The following MMS22L variants were observed in gnomAD, a reference collection of about 807,000 sequenced individuals.
MMS22L encodes protein MMS22-like.
MMS22L carries 74 observed loss-of-function variants against 159.1 expected under a neutral mutation model. The ratio of observed to expected loss-of-function variants is 0.47; its 90% CI spans 0.39 to 0.56. The LOEUF is 0.56. MMS22L is among the 20% of genes least tolerant of loss of function. The pLI, the probability that MMS22L is intolerant of heterozygous loss-of-function variation, is 0.00. For missense variants in MMS22L, 1,351 were observed against 1,422.1 expected (o/e 0.95, Z 0.80); for synonymous variants, 517 against 506.9 (o/e 1.02, Z -0.27).
At chr6:97,218,772 A>G (rs1405187827) in intron 14 of MMS22L, among the ~76,000 whole-genome samples, 1 of 152,210 alleles carries the variant, frequency 6.6e-6, no homozygotes, top group Non-Finnish European at 1.5e-5. Flanking sequence ...GTAATTTATA[A>G]AGAAAAGAGG....
At position 97,173,003 on chromosome 6, in the gene MMS22L, T is replaced by C. The variant is rs750060383; in HGVS notation, c.2839+60A>G. ...TTAGCCAATATATACCTATCCATCA[T>C]GATAGTATAGGCTCAACCTAAGGAA... On this transcript the variant is annotated intron_variant, in intron 19 of 24. Transcript: ENST00000683635. The C allele has an allele frequency of 6.0e-6, 9 of 1,498,978 alleles. No homozygotes were observed. In the Admixed American group the frequency reaches 6.1e-5, roughly 10 times the overall value. 92.9% of individuals were successfully genotyped at this position (1,498,978 alleles called of 1,614,324 possible).
intron 15 of MMS22L, among the ~76,000 whole-genome samples, chr6:97,185,553 T>A (rs1395221888): frequency 6.6e-6 from 1 of 152,168 alleles, no homozygotes; most frequent in Non-Finnish European, 1.5e-5. Context: ...TGGCTGAATA[T>A]CAATATTTAT....
intron 21 of MMS22L, 115 bp downstream of exon 21, chr6:97,165,131 A>C: frequency 1.2e-6 from 1 of 802,232 alleles, no homozygotes; most frequent in Non-Finnish European, 2.0e-6. Context: ...GAAAACAAAA[A>C]GCTTCTGAAC....
intron 19 of MMS22L, among the ~76,000 whole-genome samples, chr6:97,168,861 C>T (rs1337208211): frequency 6.6e-6 from 1 of 152,026 alleles, no homozygotes; most frequent in Non-Finnish European, 1.5e-5. Flanking sequence ...AACAATCCAC[C>T]TTTTAAAGAA....
At chr6:97,153,545 A>G (rs1303270484) in intron 22 of MMS22L, among the ~76,000 whole-genome samples, 2 of 151,536 alleles carry the variant, frequency 1.3e-5, no homozygotes. Flanking sequence ...CTAATTTTGT[A>G]TTTTTAGAAA....
intron 18 of MMS22L, among the ~76,000 whole-genome samples, chr6:97,176,661 A>G (rs1804151821): frequency 1.3e-5 from 2 of 152,140 alleles, no homozygotes; most frequent in South Asian, 4.1e-4. Flanking sequence ...CCCCAATAAT[A>G]ACCATGGGCA....
chr6:97,242,397 T>A lies in MMS22L; in HGVS notation c.1182+4231A>T, dbSNP rs572647107. Among the ~76,000 whole-genome samples, 3 of 152,338 alleles carry A rather than the reference T, an allele frequency of 2.0e-5. No individual in the cohort carries two copies. In the East Asian group the frequency reaches 5.8e-4, roughly 29 times the overall value. On this transcript the variant is annotated intron_variant, in intron 11 of 24. Coordinates refer to ENST00000683635, the MANE Select transcript of MMS22L (RefSeq NM_001350599.2). ...TTGTTGTTTTAAAATCTGTTTTGTC[T>A]GATACAAGAATAGCTACTTCTGCTC... is the stretch of plus-strand genomic sequence containing the variant.
chr6:97,177,629 G>C (rs146042832), intron 18 of MMS22L, among the ~76,000 whole-genome samples: 20 of 152,014 alleles, frequency 1.3e-4, no homozygotes, highest in East Asian at 5.8e-4. Context: ...ACTAAATAAG[G>C]GTCCAAATGG....
At chr6:97,168,301 C>T in intron 19 of MMS22L, 61 bp from the exon 20 acceptor site, 1 of 1,508,024 alleles carries the variant, frequency 6.6e-7, no homozygotes, top group Non-Finnish European at 9.0e-7. Flanking sequence ...CATTTTGTCA[C>T]TTAATTTAAA....
chr6:97,230,847 T>C (rs1198083554), intron 13 of MMS22L: 1 of 152,716 alleles, frequency 6.5e-6, no homozygotes, highest in East Asian at 1.9e-4. Context: ...GGAATTTCAT[T>C]AAGTGATTCT....
chr6:97,263,316 CATCAATTT>C lies in MMS22L; in HGVS notation c.942+11_942+18del. On this transcript the variant is annotated intron_variant, in intron 9 of 24. Transcript: ENST00000683635. ...TAAAGGTTAGTAACAATAACCAACA[CATCAATTT>C]TCCAACTTACTTCCGAGACAAACCA... 1.4e-6 allele frequency: 2 copies of C among 1,417,806 alleles called. No homozygotes were observed. The allele number at this position is 1,417,806 out of a possible 1,614,324, so 87.8% of individuals were successfully genotyped here. A position where few individuals can be genotyped will look rare whatever the true frequency, so the allele number is the denominator to read the frequency against.
At chr6:97,234,404 T>C (rs1376811310) in intron 11 of MMS22L, among the ~76,000 whole-genome samples, 1 of 152,174 alleles carries the variant, frequency 6.6e-6, no homozygotes, top group East Asian at 1.9e-4. Flanking sequence ...TAGGAGTTGT[T>C]CTTTCTAAAA....
At chr6:97,246,119 G>C in intron 11 of MMS22L, 1 of 445,412 alleles carries the variant, frequency 2.2e-6, no homozygotes, top group Non-Finnish European at 4.5e-6. Flanking sequence ...AGGAGGTCAA[G>C]TCTGACCTCT....
At chr6:97,270,113 T>A in intron 6 of MMS22L, 121 bp from the exon 7 acceptor site, 1 of 724,356 alleles carries the variant, frequency 1.4e-6, no homozygotes, top group Non-Finnish European at 2.4e-6. Flanking sequence ...CTACCACTAT[T>A]CAAAAGCTCA....
intron 14 of MMS22L, among the ~76,000 whole-genome samples, chr6:97,209,638 A>T (rs1247957702): frequency 1.3e-5 from 2 of 152,042 alleles, no homozygotes; most frequent in African/African-American, 4.8e-5. Context: ...CTGTTTAGTA[A>T]TCAACTATGA....
At chr6:97,235,950 A>C (rs1811350684) in intron 11 of MMS22L, among the ~76,000 whole-genome samples, 1 of 152,150 alleles carries the variant, frequency 6.6e-6, no homozygotes, top group Non-Finnish European at 1.5e-5. Flanking sequence ...TTCTTACCTG[A>C]CCAATTCTAT....
intron 14 of MMS22L, among the ~76,000 whole-genome samples, chr6:97,197,090 T>C (rs781102463): frequency 6.6e-6 from 1 of 152,166 alleles, no homozygotes; most frequent in Non-Finnish European, 1.5e-5. Context: ...CGCTGGATGT[T>C]AAAATTTAAG....
At chr6:97,162,563 T>C (rs1478615251) in intron 21 of MMS22L, among the ~76,000 whole-genome samples, 1 of 151,854 alleles carries the variant, frequency 6.6e-6, no homozygotes, top group East Asian at 1.9e-4. Context: ...CATAAAGAAA[T>C]CTCTCTTCAT....
At chr6:97,278,800 C>A (rs1467954778) in intron 4 of MMS22L, 49 bp downstream of exon 4, 2 of 1,516,934 alleles carry the variant, frequency 1.3e-6, no homozygotes, top group African/African-American at 2.7e-5. Context: ...GTGCAACTCA[C>A]TATAATGAAG....
Sources: allele counts gnomAD v4.1 joint callset (sites outside exome capture counted in the v4.1 genomes callset), GRCh38; gene constraint gnomAD v4.1.1; transcripts MANE v1.5; gene names NCBI Gene and HGNC (gene_info 2026-07-23, HGNC 2026-07-21).